Variants in GID8 observed in about 807,000 individuals in gnomAD.
GID8 encodes GID complex subunit 8 homolog, also known as glucose-induced degradation protein 8 homolog.
Under a neutral mutation model 27.4 loss-of-function variants are expected in GID8, and 6 were observed. The observed-to-expected ratio is 0.22, with a 90% CI of 0.12 to 0.43. The LOEUF (loss-of-function observed/expected upper bound fraction) is 0.43. GID8 is among the 20% of genes least tolerant of loss of function. The pLI is 1.00. For missense variants in GID8, 173 were observed against 287.6 expected, an observed-to-expected ratio of 0.60 and a Z score of 2.88; for synonymous variants, 112 against 109.0, an observed-to-expected ratio of 1.03 and a Z score of -0.17.
chr20:62,941,701 G>A (rs1420687887), intron 2 of GID8, 81 bp downstream of exon 2: 10 of 797,718 alleles, frequency 1.3e-5, no homozygotes, highest in Middle Eastern at 4.5e-4. Flanking sequence ...TAGCACTGAG[G>A]TTTGATGACG....
At chr20:62,939,854 T>C (rs1261398086) in intron 1 of GID8, among the ~76,000 whole-genome samples, 2 of 152,168 alleles carry the variant, frequency 1.3e-5, no homozygotes, top group Non-Finnish European at 2.9e-5. Context: ...TTAGCAGTAC[T>C]TCGTATAAAG....
chr20:62,942,881 A>C, intron 2 of GID8, 106 bp from the exon 3 acceptor site: 1 of 728,554 alleles, frequency 1.4e-6, no homozygotes, highest in Non-Finnish European at 2.4e-6. Flanking sequence ...AGTGTGGTTC[A>C]CATCAGAGGT....
Position 62,946,623 on chromosome 20 carries a change from AT to A in GID8, c.*1715del, listed in dbSNP as rs2065467687. 6.6e-6 allele frequency: 1 copy of A among 152,364 alleles called. No homozygotes were observed. The highest frequency in any genetic ancestry group is 2.4e-5 in the African/African-American group (1 of 41,444). 9.4% of individuals were successfully genotyped at this position (152,364 alleles called of 1,614,324 possible). The stretch of plus-strand genomic sequence containing the variant: ...GACTGACCCATTGGTTGCCCTTTAG[AT>A]TTTGTAAGGATGCGGTGCTGGGGAG... On this transcript the variant is annotated 3_prime_UTR_variant, in exon 5 of 5. Coordinates refer to ENST00000266069, the MANE Select transcript of GID8 (RefSeq NM_017896.3).
In GID8 at chr20:62,947,666, C is replaced by T. The variant is rs1169528042; in HGVS notation, c.*2754C>T. ...ATCTTGCCATTTGAATCAGGGTCTCCAGTTTCTAGAAAAGGCAGACACTGG... is the reference window on the plus strand; with the variant it reads ...ATCTTGCCATTTGAATCAGGGTCTCTAGTTTCTAGAAAAGGCAGACACTGG... On this transcript the variant is annotated 3_prime_UTR_variant, in exon 5 of 5. Transcript: ENST00000266069. 6.6e-6 allele frequency: 1 copy of T among 152,344 alleles called. No individual in the cohort carries two copies. Among genetic ancestry groups the T allele is most frequent in the Non-Finnish European group, 1.5e-5 (1 of 68,036 alleles). 9.4% of individuals were successfully genotyped at this position (152,344 alleles called of 1,614,324 possible). A position where few individuals can be genotyped will look rare whatever the true frequency, so the allele number is the denominator to read the frequency against.
Position 62,945,767 on chromosome 20 carries a change from T to C in GID8, c.*855T>C. 7.9e-7 allele frequency: 1 copy of C among 1,258,776 alleles called. No homozygotes were observed. The highest frequency in any genetic ancestry group is 1.0e-6 in the Non-Finnish European group (1 of 969,778). The allele number at this position is 1,258,776 out of a possible 1,614,324, so 78.0% of individuals were successfully genotyped here. On this transcript the variant is annotated 3_prime_UTR_variant, in exon 5 of 5. Transcript: ENST00000266069. ...CTGGAAAGGCCACTTGGCCCTGTGC[T>C]GAGTGAGCGGCCTTCATTAGAGCGA...
At position 62,948,303 on chromosome 20, in the gene GID8, A is replaced by G. The variant is rs937214615; in HGVS notation, c.*3391A>G. On this transcript the variant is annotated 3_prime_UTR_variant, in exon 5 of 5. Coordinates refer to ENST00000266069, the MANE Select transcript of GID8 (RefSeq NM_017896.3). ...ATTGTATTGTCAACATGGGTCATTT[A>G]AAGTCCTGTATGAACCATAACCTGC... The G allele has an allele frequency of 6.6e-6, 1 of 152,222 alleles. No individual in the cohort carries two copies. The highest frequency in any genetic ancestry group is 2.4e-5 in the African/African-American group (1 of 41,452). The allele number at this position is 152,222 out of a possible 1,614,324, so 9.4% of individuals were successfully genotyped here. A position where few individuals can be genotyped will look rare whatever the true frequency, so the allele number is the denominator to read the frequency against.
intron 4 of GID8, 105 bp from the exon 5 acceptor site, chr20:62,944,634 T>C: frequency 1.3e-6 from 1 of 777,348 alleles, no homozygotes; most frequent in Non-Finnish European, 2.2e-6. Context: ...CCTGAGAGTG[T>C]CTCGCAGTTA....
rs1283984791 is a variant in GID8 at position 62,943,407 on chromosome 20, A to G, written c.316-88A>G. 8 of 1,250,264 alleles carry G rather than the reference A, an allele frequency of 6.4e-6. No homozygotes were observed. Among genetic ancestry groups the G allele is most frequent in the Admixed American group, 5.4e-5 (3 of 55,210 alleles). 77.4% of individuals were successfully genotyped at this position (1,250,264 alleles called of 1,614,324 possible). A position where few individuals can be genotyped will look rare whatever the true frequency, so the allele number is the denominator to read the frequency against. ...ATGCAAGAAAAGTCTTCCCTCTGTG[A>G]TGTACTTTTGATTGGGACCTGGTAC... is the stretch of plus-strand genomic sequence containing the variant. On this transcript the variant is annotated intron_variant, in intron 3 of 4. Transcript: ENST00000266069. This position sits in a 1 kb window ranked among gnomAD's most constrained non-coding sequence, Gnocchi z 4.7.
intron 1 of GID8, among the ~76,000 whole-genome samples, chr20:62,939,421 G>A (rs1157596828): frequency 7.0e-6 from 1 of 142,768 alleles, no homozygotes; most frequent in East Asian, 2.1e-4. Context: ...CCCCAGCACC[G>A]CCCCCCCCGC....
chr20:62,944,955 T>C lies in GID8; in HGVS notation c.*43T>C. On this transcript the variant is annotated 3_prime_UTR_variant, in exon 5 of 5. Coordinates refer to ENST00000266069, the MANE Select transcript of GID8 (RefSeq NM_017896.3). Reference sequence around the variant, plus strand: ...TGGATCCAACACCAGCCCTGCGTCGTGGGACTTGCCTCAGATCAGCCTGCG... The same window carrying C: ...TGGATCCAACACCAGCCCTGCGTCGCGGGACTTGCCTCAGATCAGCCTGCG... The C allele has an allele frequency of 6.4e-7, 1 of 1,571,036 alleles. No homozygotes were observed. The highest frequency in any genetic ancestry group is 8.6e-7 in the Non-Finnish European group (1 of 1,156,806).
At position 62,945,111 on chromosome 20, in the gene GID8, T is replaced by C. The variant is rs558310071; in HGVS notation, c.*199T>C. Reference sequence around the variant, plus strand: ...CTTGCAAGGAAAGCTGCCGTCTCTTTGGCAGTCTGATGCAGAGCCTGCACT... The same window carrying C: ...CTTGCAAGGAAAGCTGCCGTCTCTTCGGCAGTCTGATGCAGAGCCTGCACT... On this transcript the variant is annotated 3_prime_UTR_variant, in exon 5 of 5. Coordinates refer to ENST00000266069, the MANE Select transcript of GID8 (RefSeq NM_017896.3). 3,949 of 1,393,426 alleles carry C rather than the reference T, an allele frequency of 2.8e-3. 6 individuals are homozygous for C. The highest frequency in any genetic ancestry group is 4.3e-3 in the Middle Eastern group (16 of 3,704). The allele number at this position is 1,393,426 out of a possible 1,614,324, so 86.3% of individuals were successfully genotyped here.
intron 1 of GID8, among the ~76,000 whole-genome samples, chr20:62,940,550 C>T (rs1467525927): frequency 1.3e-5 from 2 of 152,062 alleles, no homozygotes; most frequent in African/African-American, 2.4e-5. Flanking sequence ...GGGGTTTCAC[C>T]GTGTTAGCCA....
Position 62,947,511 on chromosome 20 carries a change from G to T in GID8, c.*2599G>T, listed in dbSNP as rs1568905277. The T allele has an allele frequency of 2.0e-5, 3 of 152,634 alleles. No individual in the cohort carries two copies. In the South Asian group the frequency reaches 6.2e-4, roughly 32 times the overall value. 9.5% of individuals were successfully genotyped at this position (152,634 alleles called of 1,614,324 possible). On this transcript the variant is annotated 3_prime_UTR_variant, in exon 5 of 5. Coordinates refer to ENST00000266069, the MANE Select transcript of GID8 (RefSeq NM_017896.3). The stretch of plus-strand genomic sequence containing the variant: ...CTTATTATACTTTCTGCTGGAGAGT[G>T]CCTTGAAATAAAATGTGAGAGTATT...
In GID8 at chr20:62,943,467, G is replaced by C. The variant is rs985067138; in HGVS notation, c.316-28G>C. On this transcript the variant is annotated intron_variant, in intron 3 of 4. Transcript: ENST00000266069. This position sits in a 1 kb window ranked among gnomAD's most constrained non-coding sequence, Gnocchi z 4.7. ...TAAGTCCCTGGCCTGGGTGTGTGGG[G>C]GTCAAGCTTGTCTGTCTCTGCCTCC... 4 of 1,605,388 alleles carry C rather than the reference G, an allele frequency of 2.5e-6. No individual in the cohort carries two copies. Among genetic ancestry groups the C allele is most frequent in the African/African-American group, 1.3e-5 (1 of 74,878 alleles).
chr20:62,940,505 G>T (rs970753795), intron 1 of GID8, among the ~76,000 whole-genome samples: 1 of 152,138 alleles, frequency 6.6e-6, no homozygotes, highest in South Asian at 2.1e-4. Context: ...GCCCGCCACC[G>T]AGCACGGCTA....
At chr20:62,942,598 A>G (rs1327960511) in intron 2 of GID8, among the ~76,000 whole-genome samples, 1 of 152,202 alleles carries the variant, frequency 6.6e-6, no homozygotes, top group Admixed American at 6.5e-5. Flanking sequence ...ATAGCTGACC[A>G]TGGAGGGCCC....
intron 2 of GID8, among the ~76,000 whole-genome samples, chr20:62,942,531 G>A (rs922873718): frequency 1.3e-5 from 2 of 152,204 alleles, no homozygotes; most frequent in Non-Finnish European, 2.9e-5. Flanking sequence ...CACACATGCT[G>A]GCTTTGAAAA....
chr20:62,945,945 C>G lies in GID8; in HGVS notation c.*1033C>G. 1.6e-6 allele frequency: 2 copies of G among 1,289,490 alleles called. No homozygotes were observed. The highest frequency in any genetic ancestry group is 1.0e-6 in the Non-Finnish European group (1 of 988,862). 79.9% of individuals were successfully genotyped at this position (1,289,490 alleles called of 1,614,324 possible). The stretch of plus-strand genomic sequence containing the variant: ...AGCTGGCTCTGCCGATGTCCTGCTT[C>G]TGTTCACTCACAGAACTGTCCCCTG... On this transcript the variant is annotated 3_prime_UTR_variant, in exon 5 of 5. Coordinates refer to ENST00000266069, the MANE Select transcript of GID8 (RefSeq NM_017896.3).
rs1019182803 is a variant in GID8, at chr20:62,945,736, C to T, written c.*824C>T. 35 of 1,213,738 alleles carry T rather than the reference C, an allele frequency of 2.9e-5. No homozygotes were observed. Among genetic ancestry groups the T allele is most frequent in the Admixed American group, 2.0e-4 (7 of 35,628 alleles). 75.2% of individuals were successfully genotyped at this position (1,213,738 alleles called of 1,614,324 possible). On this transcript the variant is annotated 3_prime_UTR_variant, in exon 5 of 5. Transcript: ENST00000266069. ...TAGCGGCAGTGGCTTTTTCTGGTAC[C>T]TGCAGCTGGAAAGGCCACTTGGCCC...
Sources: allele counts gnomAD v4.1 joint callset (sites outside exome capture counted in the v4.1 genomes callset), GRCh38; gene constraint gnomAD v4.1.1; non-coding constraint Gnocchi (gnomAD v3.1); transcripts MANE v1.5; gene names NCBI Gene and HGNC (gene_info 2026-07-23, HGNC 2026-07-21).